CFAP20DC: variants seen among roughly 807,000 people sequenced by gnomAD.
The protein encoded by CFAP20DC is CFAP20 domain containing.
In CFAP20DC, 84 loss-of-function variants were observed where a neutral mutation model predicts 101.7. The observed-to-expected ratio is 0.83, with a 90% CI of 0.69 to 0.99. The LOEUF (loss-of-function observed/expected upper bound fraction) is 0.99. Among genes scored for constraint, CFAP20DC ranks in the 50% least tolerant of loss-of-function variants. The probability of loss-of-function intolerance (pLI) is 0.00; values close to 1 mark genes in which losing one functional copy is unlikely to be tolerated. For missense variants in CFAP20DC, 1,007 were observed against 970.3 expected (o/e 1.04, Z -0.50); for synonymous variants, 359 against 351.2 (o/e 1.02, Z -0.25).
At chr3:59,033,041 T>A (rs974730193) in intron 4 of CFAP20DC, among the ~76,000 whole-genome samples, 1 of 152,090 alleles carries the variant, frequency 6.6e-6, no homozygotes, top group Admixed American at 6.5e-5. Flanking sequence ...CCTCCACTGG[T>A]GATACCTAGG....
At chr3:58,845,280 A>G (rs2077526030) in intron 13 of CFAP20DC, among the ~76,000 whole-genome samples, 1 of 151,566 alleles carries the variant, frequency 6.6e-6, no homozygotes, top group Non-Finnish European at 1.5e-5. Context: ...ACTAATAAAG[A>G]AAAAAAGAGA....
chr3:58,899,878 C>G lies in CFAP20DC; in HGVS notation c.550+13830G>C, dbSNP rs1276293460. On this transcript the variant is annotated intron_variant, in intron 6 of 16. Coordinates refer to ENST00000482387, the MANE Select transcript of CFAP20DC (RefSeq NM_001394063.1). The surrounding 1 kb of genome is among the most constrained non-coding windows in gnomAD (Gnocchi z 5.0). ...GAACTCACTTGCCACTTTCACTCCT[C>G]TCCACGAGTGCTGCAGACCACAGCT... 6.6e-6 allele frequency among the ~76,000 whole-genome samples: 1 copy of G among 152,208 alleles called. No individual in the cohort carries two copies. The highest frequency in any genetic ancestry group is 2.4e-5 in the African/African-American group (1 of 41,450).
rs562394896 is a variant in CFAP20DC at position 58,952,748 on chromosome 3, C to A, written c.279-14986G>T. On this transcript the variant is annotated intron_variant, in intron 4 of 16. Transcript: ENST00000482387. ...AAACTCTTCTACTAGCCTGTAAGCA[C>A]CCCAGGGAACTGAGATCACATCCTG... Among the ~76,000 whole-genome samples, 6 of 152,118 alleles carry A rather than the reference C, an allele frequency of 3.9e-5. No individual in the cohort carries two copies. In the East Asian group the frequency reaches 1.2e-3, roughly 29 times the overall value.
intron 4 of CFAP20DC, among the ~76,000 whole-genome samples, chr3:59,010,951 T>C (rs574718065): frequency 8.5e-5 from 13 of 152,296 alleles, no homozygotes; most frequent in African/African-American, 2.6e-4. Context: ...TAAGCTGCTA[T>C]AGAATGATCT....
At chr3:58,797,967 GAA>G (rs762425631) in intron 15 of CFAP20DC, among the ~76,000 whole-genome samples, 6 of 152,000 alleles carry the variant, frequency 3.9e-5, no homozygotes, top group Admixed American at 6.6e-5. Flanking sequence ...CTACTGCTCA[GAA>G]AAAAAGAGAC....
chr3:58,923,227 T>G (rs182925836), intron 5 of CFAP20DC, among the ~76,000 whole-genome samples: 110 of 152,294 alleles, frequency 7.2e-4, no homozygotes, highest in African/African-American at 2.6e-3. Flanking sequence ...TTACTAATTT[T>G]GCTTTAAACA....
At chr3:58,843,868 TAAAGA>T (rs2077373584) in intron 13 of CFAP20DC, among the ~76,000 whole-genome samples, 1 of 127,722 alleles carries the variant, frequency 7.8e-6, no homozygotes, top group East Asian at 2.3e-4. Context: ...TCAACATTCT[TAAAGA>T]AAAGAATTTT....
At chr3:58,746,104 A>G (rs1196743920) in intron 16 of CFAP20DC, among the ~76,000 whole-genome samples, 1 of 152,166 alleles carries the variant, frequency 6.6e-6, no homozygotes, top group Non-Finnish European at 1.5e-5. Flanking sequence ...ACCCCAAAAC[A>G]TAGTGGATTT....
intron 13 of CFAP20DC, among the ~76,000 whole-genome samples, 194 bp from the exon 14 acceptor site, chr3:58,832,083 T>A (rs1314003456): frequency 6.6e-6 from 1 of 151,542 alleles, no homozygotes; most frequent in East Asian, 2.0e-4. Context: ...GCCAGCCACT[T>A]TGTCCTTCAT....
At chr3:58,751,883 G>C (rs1291214561) in intron 16 of CFAP20DC, among the ~76,000 whole-genome samples, 5 of 146,442 alleles carry the variant, frequency 3.4e-5, no homozygotes, top group Non-Finnish European at 7.4e-5. Context: ...TCCTCCTGGT[G>C]GTGGTGTGAG....
chr3:59,035,435 T>C (rs1482708265), intron 4 of CFAP20DC, among the ~76,000 whole-genome samples: 5 of 151,916 alleles, frequency 3.3e-5, no homozygotes, highest in Admixed American at 2.6e-4. Flanking sequence ...ACAAAATAGA[T>C]AGACCACTAG....
At chr3:58,896,441 G>T (rs539085091) in intron 6 of CFAP20DC, among the ~76,000 whole-genome samples, 52 of 152,018 alleles carry the variant, frequency 3.4e-4, no homozygotes, top group Admixed American at 7.2e-4. Flanking sequence ...GGGTTTGTTT[G>T]CTCTTGTTTC....
At chr3:58,778,196 G>A (rs2071508656) in intron 15 of CFAP20DC, among the ~76,000 whole-genome samples, 1 of 152,122 alleles carries the variant, frequency 6.6e-6, no homozygotes, top group South Asian at 2.1e-4. Context: ...TGCGCATTTT[G>A]CCAGTGGCCT....
chr3:58,947,650 A>G (rs1332676423), intron 4 of CFAP20DC, among the ~76,000 whole-genome samples: 1 of 152,188 alleles, frequency 6.6e-6, no homozygotes, highest in Non-Finnish European at 1.5e-5. Context: ...TTTTTGGCCA[A>G]TGCAATCCTT....
At chr3:58,942,290 C>G (rs1209780247) in intron 4 of CFAP20DC, among the ~76,000 whole-genome samples, 1 of 152,154 alleles carries the variant, frequency 6.6e-6, no homozygotes, top group Non-Finnish European at 1.5e-5. Context: ...CAGCAGATGG[C>G]TGAATAGGAA....
chr3:58,876,633 C>T (rs2080775848), intron 7 of CFAP20DC, among the ~76,000 whole-genome samples: 2 of 152,002 alleles, frequency 1.3e-5, no homozygotes, highest in African/African-American at 4.8e-5. Context: ...ATTGTAAAAC[C>T]TGAGGGTCTA....
rs746474265 is a variant in CFAP20DC, at chr3:59,001,240, T to C, written c.278+38317A>G. 1.5e-4 allele frequency among the ~76,000 whole-genome samples: 23 copies of C among 152,190 alleles called. No homozygotes were observed. Among genetic ancestry groups the C allele is most frequent in the South Asian group, 8.3e-4 (4 of 4,828 alleles). On this transcript the variant is annotated intron_variant, in intron 4 of 16. Transcript: ENST00000482387. The surrounding 1 kb of genome is among the most constrained non-coding windows in gnomAD (Gnocchi z 4.5). Reference sequence around the variant, plus strand: ...GTACTTAATTTCTATACTTTATCCTTGAAGATTCTTTGATACTACTATAAA... The same window carrying C: ...GTACTTAATTTCTATACTTTATCCTCGAAGATTCTTTGATACTACTATAAA...
intron 15 of CFAP20DC, among the ~76,000 whole-genome samples, chr3:58,762,084 G>T (rs867564542): frequency 2.6e-5 from 4 of 152,116 alleles, no homozygotes; most frequent in South Asian, 4.2e-4. Context: ...TCAATTCCTG[G>T]ATATGCTTGT....
At chr3:58,808,422 A>G (rs1390154793) in intron 14 of CFAP20DC, among the ~76,000 whole-genome samples, 2 of 152,244 alleles carry the variant, frequency 1.3e-5, no homozygotes, top group Non-Finnish European at 2.9e-5. Context: ...ACATTCTTAA[A>G]GAAAAGAATT....
Sources: allele counts gnomAD v4.1 joint callset (sites outside exome capture counted in the v4.1 genomes callset), GRCh38; gene constraint gnomAD v4.1.1; non-coding constraint Gnocchi (gnomAD v3.1); transcripts MANE v1.5; gene names NCBI Gene and HGNC (gene_info 2026-07-23, HGNC 2026-07-21).